The following MALRD1 variants were observed in gnomAD, a reference collection of about 807,000 sequenced individuals.
MALRD1 encodes MAM and LDL receptor class A domain containing 1, also known as MAM and LDL-receptor class A domain-containing protein 1.
A neutral mutation model predicts 242.1 loss-of-function variants in MALRD1; 247 were observed. That is an observed-to-expected ratio of 1.02 (90% CI 0.92 to 1.13). The LOEUF is 1.13. MALRD1 is among the 50% of genes most tolerant of loss of function. MALRD1 has a pLI of 0.00. For synonymous variants in MALRD1, 995 were observed against 866.6 expected, an observed-to-expected ratio of 1.15 and a Z score of -2.60; for missense variants, 2,989 against 2,533.1, an observed-to-expected ratio of 1.18 and a Z score of -3.86.
chr10:19,615,889 A>G lies in MALRD1; in HGVS notation c.6103A>G (p.Thr2035Ala). 1.3e-6 allele frequency: 2 copies of G among 1,532,434 alleles called. No individual in the cohort carries two copies. The highest frequency in any genetic ancestry group is 8.7e-7 in the Non-Finnish European group (1 of 1,144,738). The allele number at this position is 1,532,434 out of a possible 1,614,324, so 94.9% of individuals were successfully genotyped here. A position where few individuals can be genotyped will look rare whatever the true frequency, so the allele number is the denominator to read the frequency against. The change falls in exon 36 of 40, where the codon ACT becomes GCT. Residue 2035 changes from threonine (T) to alanine (A), a missense_variant. Coordinates refer to ENST00000454679, the MANE Select transcript of MALRD1 (RefSeq NM_001142308.3). ...CPLNYCRNGG[T>A]CVVEKNGPMC... ...ATTAAATTACTGCAGAAATGGTGGG[A>G]CTTGTGTAGTGGAGAAAAATGGTCC...
chr10:19,720,760 G>A (rs1834709224), intron 38 of MALRD1, among the ~76,000 whole-genome samples: 1 of 151,850 alleles, frequency 6.6e-6, no homozygotes, highest in African/African-American at 2.4e-5. Flanking sequence ...ACAAAATATT[G>A]CCTAAAATTA....
intron 19 of MALRD1, among the ~76,000 whole-genome samples, chr10:19,276,479 G>A (rs1423658733): frequency 6.6e-6 from 1 of 151,466 alleles, no homozygotes; most frequent in Non-Finnish European, 1.5e-5. Flanking sequence ...CATCAACCTG[G>A]CCATTGAATG....
intron 36 of MALRD1, among the ~76,000 whole-genome samples, chr10:19,669,267 G>A (rs1260510802): frequency 6.6e-6 from 1 of 152,180 alleles, no homozygotes; most frequent in Non-Finnish European, 1.5e-5. Context: ...TTTTGAACCT[G>A]AGTTCCAAAG....
chr10:19,191,736 A>G (rs990679508), intron 14 of MALRD1, among the ~76,000 whole-genome samples: 3 of 152,288 alleles, frequency 2.0e-5, no homozygotes, highest in African/African-American at 7.2e-5. Flanking sequence ...GGTTACTCAC[A>G]CCTGTAATCC....
At chr10:19,419,268 CTTCT>C (rs755545894) in intron 28 of MALRD1, among the ~76,000 whole-genome samples, 6 of 151,640 alleles carry the variant, frequency 4.0e-5, no homozygotes, top group African/African-American at 4.8e-5. Flanking sequence ...TCTTCTTCAT[CTTCT>C]TTCTTTCTTT....
At position 19,595,344 on chromosome 10, in the gene MALRD1, C is replaced by T. The variant is rs1435355691; in HGVS notation, c.5831C>T (p.Pro1944Leu). Reference sequence around the variant, plus strand: ...ATGGATTGTCCTCTCAGCCCCACCCCTCCACTCTGTAGTAACATGGAGTTC... The same window carrying T: ...ATGGATTGTCCTCTCAGCCCCACCCTTCCACTCTGTAGTAACATGGAGTTC... ...DEMDCPLSPT[P>L]PLCSNMEFPC... The change falls in exon 34 of 40, where the codon CCT becomes CTT. Residue 1944 changes from proline (P) to leucine (L), a missense_variant. Transcript: ENST00000454679. 1 of 1,550,786 alleles carries T rather than the reference C, an allele frequency of 6.4e-7. No homozygotes were observed. Among genetic ancestry groups the T allele is most frequent in the Non-Finnish European group, 8.7e-7 (1 of 1,146,988 alleles).
At chr10:19,474,739 CAA>C (rs201025101) in intron 29 of MALRD1, among the ~76,000 whole-genome samples, 2 of 151,634 alleles carry the variant, frequency 1.3e-5, no homozygotes, top group African/African-American at 4.8e-5. Flanking sequence ...AAAACAACAA[CAA>C]AAAAAATTAG....
chr10:19,480,100 G>C (rs1345307888), intron 29 of MALRD1, among the ~76,000 whole-genome samples: 2 of 152,226 alleles, frequency 1.3e-5, no homozygotes, highest in Non-Finnish European at 2.9e-5. Context: ...GGAGGGACAA[G>C]TGCGTGAAAG....
At chr10:19,691,168 A>G (rs932015810) in intron 36 of MALRD1, among the ~76,000 whole-genome samples, 1 of 152,078 alleles carries the variant, frequency 6.6e-6, no homozygotes, top group Non-Finnish European at 1.5e-5. Context: ...AAATACCCCA[A>G]TCTCTCACAA....
At position 19,350,525 on chromosome 10, in the gene MALRD1, C is replaced by T. The variant is rs372761591; in HGVS notation, c.4150-1481C>T. On this transcript the variant is annotated intron_variant, in intron 25 of 39. Coordinates refer to ENST00000454679, the MANE Select transcript of MALRD1 (RefSeq NM_001142308.3). ...CTCCTGACCTCAGGTGATCCACCTA[C>T]CTTGGCCTCCCAAAGTGAGGGGATT... 1.7e-4 allele frequency among the ~76,000 whole-genome samples: 26 copies of T among 152,098 alleles called. No individual in the cohort carries two copies. The East Asian group carries it at 4.3e-3, about 25-fold the overall frequency.
chr10:19,248,014 T>C (rs1313491119), intron 18 of MALRD1, among the ~76,000 whole-genome samples: 1 of 152,046 alleles, frequency 6.6e-6, no homozygotes, highest in African/African-American at 2.4e-5. Flanking sequence ...AGCTCAGCAT[T>C]TGCCTTATTT....
intron 21 of MALRD1, among the ~76,000 whole-genome samples, chr10:19,298,463 G>C (rs1156543231): frequency 6.6e-6 from 1 of 151,978 alleles, no homozygotes; most frequent in East Asian, 1.9e-4. Context: ...GATAGGAAAG[G>C]AAACAAGGGG....
At chr10:19,390,692 G>C (rs988814492) in intron 28 of MALRD1, among the ~76,000 whole-genome samples, 2 of 151,908 alleles carry the variant, frequency 1.3e-5, no homozygotes, top group Non-Finnish European at 2.9e-5. Context: ...TGACACATGA[G>C]CTTTGGTTAA....
At chr10:19,370,942 A>G (rs1251181729) in intron 26 of MALRD1, among the ~76,000 whole-genome samples, 5 of 151,538 alleles carry the variant, frequency 3.3e-5, no homozygotes, top group African/African-American at 1.2e-4. Flanking sequence ...AAAAGCTGTG[A>G]TTTTTAAAAA....
chr10:19,564,397 T>C (rs1836163695), intron 32 of MALRD1, among the ~76,000 whole-genome samples: 1 of 152,256 alleles, frequency 6.6e-6, no homozygotes, highest in East Asian at 1.9e-4. Flanking sequence ...TTCTACATTA[T>C]AAGCAGTAGC....
chr10:19,710,325 C>A (rs1201023456), intron 38 of MALRD1: 1 of 151,810 alleles, frequency 6.6e-6, no homozygotes, highest in African/African-American at 2.4e-5. Flanking sequence ...GCATGATGAA[C>A]CCTTTTTAAA....
chr10:19,483,720 G>T (rs576197752), intron 29 of MALRD1, among the ~76,000 whole-genome samples: 46 of 152,264 alleles, frequency 3.0e-4, no homozygotes, highest in African/African-American at 1.1e-3. Context: ...GCAGTTTGGA[G>T]ATTTCTCAAA....
chr10:19,727,135 T>C (rs1050064133), intron 38 of MALRD1, among the ~76,000 whole-genome samples: 1 of 152,198 alleles, frequency 6.6e-6, no homozygotes, highest in African/African-American at 2.4e-5. Context: ...TTAATAAAAG[T>C]AACATTACTG....
intron 28 of MALRD1, among the ~76,000 whole-genome samples, chr10:19,429,722 A>C (rs1834045948): frequency 6.6e-6 from 1 of 152,014 alleles, no homozygotes; most frequent in East Asian, 1.9e-4. Context: ...ATCTTCATCT[A>C]ATTTCTAGTT....
Sources: gnomAD v4.1 joint callset for allele counts (sites outside exome capture counted in the v4.1 genomes callset) on GRCh38, gnomAD v4.1.1 for gene constraint, MANE v1.5 for transcripts, NCBI Gene and HGNC (gene_info 2026-07-23, HGNC 2026-07-21) for gene names.